SEMA3F: variants seen among roughly 807,000 people sequenced by gnomAD.
SEMA3F encodes the protein semaphorin-3F.
Under a neutral mutation model 98.5 loss-of-function variants are expected in SEMA3F, and 30 were observed. The observed-to-expected ratio is 0.30, with a 90% CI of 0.23 to 0.41. The LOEUF (loss-of-function observed/expected upper bound fraction) is 0.41, where lower values mean the gene tolerates loss of function less well. SEMA3F is among the 10% of genes least tolerant of loss of function. The pLI, the probability that SEMA3F is intolerant of heterozygous loss-of-function variation, is 1.00. For missense variants in SEMA3F, 866 were observed against 1,119.3 expected (o/e 0.77, Z 3.23); for synonymous variants, 380 against 444.8 (o/e 0.85, Z 1.83).
intron 1 of SEMA3F, among the ~76,000 whole-genome samples, chr3:50,157,780 A>G (rs1308766877): frequency 6.6e-6 from 1 of 152,092 alleles, no homozygotes; most frequent in Non-Finnish European, 1.5e-5. Flanking sequence ...CTCTGGACAC[A>G]TTGGGTGACT....
intron 2 of SEMA3F, 142 bp from the exon 3 acceptor site, chr3:50,173,651 A>G (rs183270404): frequency 0.012 from 8,014 of 686,274 alleles, 67 homozygotes; most frequent in Non-Finnish European, 0.015. Context: ...CGTAAAAAGA[A>G]AAAAAGAAAG....
At chr3:50,174,868 C>T (rs1022257161) in intron 5 of SEMA3F, among the ~76,000 whole-genome samples, 15 of 151,982 alleles carry the variant, frequency 9.9e-5, no homozygotes, top group African/African-American at 3.4e-4. Flanking sequence ...TGTGAGCTGG[C>T]GTGAACTTGT....
chr3:50,167,758 C>T (rs895126248), intron 2 of SEMA3F, among the ~76,000 whole-genome samples: 1 of 152,172 alleles, frequency 6.6e-6, no homozygotes, highest in Non-Finnish European at 1.5e-5. Context: ...TCACCAATTC[C>T]CTGCACCCCT....
intron 2 of SEMA3F, among the ~76,000 whole-genome samples, chr3:50,169,960 G>A (rs1698539609): frequency 6.6e-6 from 1 of 152,214 alleles, no homozygotes; most frequent in Non-Finnish European, 1.5e-5. Context: ...CTGCTTGGAG[G>A]AGTGAAGGCT....
Position 50,183,495 on chromosome 3 carries a change from C to T in SEMA3F, c.1164C>T (p.Ala388=). ...DIRMVFNGPF[A]HKEGPNYQWM... is the part of the protein sequence containing the mutation. ...GCATGGTCTTCAACGGGCCCTTTGC[C>T]CACAAAGAGGGGCCCAACTACCAGT... The change falls in exon 12 of 19, where the codon GCC becomes GCT. Residue 388 remains alanine (A), a synonymous_variant. Transcript: ENST00000002829. 6.2e-7 allele frequency: 1 copy of T among 1,614,076 alleles called. No homozygotes were observed. The highest frequency in any genetic ancestry group is 8.5e-7 in the Non-Finnish European group (1 of 1,180,022).
At chr3:50,167,982 T>C (rs1698466278) in intron 2 of SEMA3F, among the ~76,000 whole-genome samples, 1 of 152,176 alleles carries the variant, frequency 6.6e-6, no homozygotes, top group South Asian at 2.1e-4. Context: ...AGAGCGGTTA[T>C]TGAATAAAAA....
Position 50,155,600 on chromosome 3 carries a change from C to T in SEMA3F, c.-49+36C>T. On this transcript the variant is annotated intron_variant, in intron 1 of 18. Coordinates refer to ENST00000002829, the MANE Select transcript of SEMA3F (RefSeq NM_004186.5). The surrounding 1 kb of genome is among the most constrained non-coding windows in gnomAD (Gnocchi z 4.9). ...CGGGAACCGGGAGGGAGCGGGCAGG[C>T]GGCCGGGCCACCCCGCGACCCCTCT... 1 of 282,310 alleles carries T rather than the reference C, an allele frequency of 3.5e-6. No individual in the cohort carries two copies. Among genetic ancestry groups the T allele is most frequent in the Non-Finnish European group, 6.6e-6 (1 of 151,234 alleles). 17.5% of individuals were successfully genotyped at this position (282,310 alleles called of 1,614,324 possible). A position where few individuals can be genotyped will look rare whatever the true frequency, so the allele number is the denominator to read the frequency against.
chr3:50,180,806 C>G (rs1282184889), intron 7 of SEMA3F, among the ~76,000 whole-genome samples: 2 of 152,160 alleles, frequency 1.3e-5, no homozygotes, highest in Non-Finnish European at 1.5e-5. Flanking sequence ...GTGGCTCATG[C>G]CTGTAATCCC....
intron 17 of SEMA3F, 76 bp downstream of exon 17, chr3:50,186,424 G>A: frequency 2.0e-6 from 3 of 1,497,550 alleles, no homozygotes; most frequent in African/African-American, 1.4e-5. Context: ...CTGCTCACAG[G>A]GCCCCCACTG....
At chr3:50,171,012 T>G (rs1390222603) in intron 2 of SEMA3F, among the ~76,000 whole-genome samples, 3 of 152,164 alleles carry the variant, frequency 2.0e-5, no homozygotes, top group Non-Finnish European at 2.9e-5. Context: ...CCTTCAGCCA[T>G]GGACCTAGGT....
Position 50,186,754 on chromosome 3 carries a change from C to T in SEMA3F, c.1947+8C>T, listed in dbSNP as rs768610215. ...GGTGACCGGCGCCGAGAGGTGAGTTCCTGCGCCCGGTGCTGCACCGTGGAT... is the reference window on the plus strand; with the variant it reads ...GGTGACCGGCGCCGAGAGGTGAGTTTCTGCGCCCGGTGCTGCACCGTGGAT... On this transcript the variant is annotated splice_region_variant and intron_variant, in intron 18 of 18. Transcript: ENST00000002829. 33 of 1,594,968 alleles carry T rather than the reference C, an allele frequency of 2.1e-5. No individual in the cohort carries two copies. The highest frequency in any genetic ancestry group is 1.3e-4 in the South Asian group (12 of 90,024).
chr3:50,164,763 T>C (rs988513528), intron 2 of SEMA3F, among the ~76,000 whole-genome samples: 2 of 152,240 alleles, frequency 1.3e-5, no homozygotes, highest in Non-Finnish European at 2.9e-5. Context: ...AGCAGCATCA[T>C]GAGGGCTCAG....
At chr3:50,184,042 A>G (rs1025139308) in intron 12 of SEMA3F, among the ~76,000 whole-genome samples, 6 of 152,124 alleles carry the variant, frequency 3.9e-5, no homozygotes. Flanking sequence ...TTCTGACTCC[A>G]TGTAGTCAGG....
chr3:50,176,857 C>T lies in SEMA3F; in HGVS notation c.639C>T (p.Leu213=), dbSNP rs763385093. 1.2e-6 allele frequency: 2 copies of T among 1,613,010 alleles called. No homozygotes were observed. Among genetic ancestry groups the T allele is most frequent in the South Asian group, 2.2e-5 (2 of 91,068 alleles). Reference sequence around the variant, plus strand: ...CCAAGCTGGACACAGCATCGGCCCTCATCAGTGAGTGCCCCCCAACCCCGC... The same window carrying T: ...CCAAGCTGGACACAGCATCGGCCCTTATCAGTGAGTGCCCCCCAACCCCGC... ...YDPKLDTASA[L]INEELYAGVY... The change falls in exon 7 of 19, where the codon CTC becomes CTT. Residue 213 remains leucine (L), a synonymous_variant. Transcript: ENST00000002829.
In SEMA3F at chr3:50,155,355, TG is replaced by T; in HGVS notation, c.-254del. On this transcript the variant is annotated 5_prime_UTR_variant, in exon 1 of 19. The change abolishes the stop of an existing upstream ORF in the 5' untranslated region. Coordinates refer to ENST00000002829, the MANE Select transcript of SEMA3F (RefSeq NM_004186.5). This position sits in a 1 kb window ranked among gnomAD's most constrained non-coding sequence, Gnocchi z 4.9. ...CCCTGAGCCTTCCCATGGCCCGGGC[TG>T]GGGCCCGGGCCCTCGGCTGCTGACG... 3.4e-6 allele frequency: 1 copy of T among 292,334 alleles called. No homozygotes were observed. Among genetic ancestry groups the T allele is most frequent in the Non-Finnish European group, 6.2e-6 (1 of 160,592 alleles). 18.1% of individuals were successfully genotyped at this position (292,334 alleles called of 1,614,324 possible).
At chr3:50,177,425 C>T (rs1221190968) in intron 7 of SEMA3F, among the ~76,000 whole-genome samples, 1 of 152,162 alleles carries the variant, frequency 6.6e-6, no homozygotes, top group African/African-American at 2.4e-5. Flanking sequence ...TGGGTGAACC[C>T]ATCACTGACC....
At chr3:50,181,586 T>C (rs1250180873) in intron 7 of SEMA3F, among the ~76,000 whole-genome samples, 1 of 151,952 alleles carries the variant, frequency 6.6e-6, no homozygotes, top group East Asian at 1.9e-4. Context: ...CCTCCCAAAG[T>C]GCTGGGATTA....
rs549482073 is a variant in SEMA3F at position 50,186,842 on chromosome 3, G to A, written c.1947+96G>A. The A allele has an allele frequency of 2.9e-5, 37 of 1,281,374 alleles. 1 individual carries two copies. In the South Asian group the frequency reaches 5.7e-4, roughly 20 times the overall value. The allele number at this position is 1,281,374 out of a possible 1,614,324, so 79.4% of individuals were successfully genotyped here. A position where few individuals can be genotyped will look rare whatever the true frequency, so the allele number is the denominator to read the frequency against. ...TGATCTGGAGCAACTCTCATGCTGT[G>A]AAACCCCTTCCAAGCTCCCTTCCCT... is the stretch of plus-strand genomic sequence containing the variant. On this transcript the variant is annotated intron_variant, in intron 18 of 18. Coordinates refer to ENST00000002829, the MANE Select transcript of SEMA3F (RefSeq NM_004186.5).
intron 1 of SEMA3F, among the ~76,000 whole-genome samples, chr3:50,157,277 A>G (rs373215262): frequency 4.0e-5 from 6 of 150,808 alleles, no homozygotes; most frequent in African/African-American, 1.5e-4. Flanking sequence ...TCTTCCCTGC[A>G]CCCCTTGCCA....
Sources: allele counts gnomAD v4.1 joint callset (sites outside exome capture counted in the v4.1 genomes callset), GRCh38; gene constraint gnomAD v4.1.1; non-coding constraint Gnocchi (gnomAD v3.1); transcripts MANE v1.5; gene names NCBI Gene and HGNC (gene_info 2026-07-23, HGNC 2026-07-21).